DNAH3: variants seen among roughly 807,000 people sequenced by gnomAD.
DNAH3 encodes dynein axonemal heavy chain 3, also known as axonemal beta dynein heavy chain 3.
Under a neutral mutation model 432.5 loss-of-function variants are expected in DNAH3, and 332 were observed. That is an observed-to-expected ratio of 0.77 (90% CI 0.70 to 0.84). The LOEUF (loss-of-function observed/expected upper bound fraction) is 0.84, where lower values mean the gene tolerates loss of function less well. Ranked by LOEUF, DNAH3 falls within the 40% of genes least tolerant of loss-of-function variation. DNAH3 has a pLI of 0.00. For missense variants in DNAH3, 4,861 were observed against 5,114.0 expected, an observed-to-expected ratio of 0.95 and a Z score of 1.51; for synonymous variants, 1,956 against 1,900.2, an observed-to-expected ratio of 1.03 and a Z score of -0.76.
chr16:20,979,714 G>A (rs1375328950), intron 49 of DNAH3, among the ~76,000 whole-genome samples, 168 bp from the exon 50 acceptor site: 2 of 152,048 alleles, frequency 1.3e-5, no homozygotes, highest in Admixed American at 1.3e-4. Context: ...AGAGAAGGAT[G>A]GGGCAGGTAC....
chr16:21,076,653 T>C (rs2090986129), intron 20 of DNAH3, among the ~76,000 whole-genome samples: 1 of 152,132 alleles, frequency 6.6e-6, no homozygotes, highest in Non-Finnish European at 1.5e-5. Context: ...ACTCAGAGAA[T>C]AAGGAAGTTC....
At chr16:21,059,992 A>G (rs1346895784) in intron 26 of DNAH3, among the ~76,000 whole-genome samples, 21 of 152,174 alleles carry the variant, frequency 1.4e-4, no homozygotes. Flanking sequence ...ACTTCGTGCC[A>G]TTAATCCCAT....
chr16:21,152,560 C>A (rs548404462), intron 1 of DNAH3, among the ~76,000 whole-genome samples: 4 of 152,256 alleles, frequency 2.6e-5, no homozygotes, highest in Non-Finnish European at 4.4e-5. Context: ...TGGGCAAGGC[C>A]GAAGCCGGCT....
rs2084150467 is a variant in DNAH3, at chr16:20,948,407, A to G, written c.11343+76T>C. ...GGTCACCCCTGGGATCCCTGGCTAC[A>G]CTGCAGCCCTGTAGCCATATAGAGA... On this transcript the variant is annotated intron_variant, in intron 57 of 61. Coordinates refer to ENST00000261383, the Ensembl canonical transcript of DNAH3. 3 of 1,477,334 alleles carry G rather than the reference A, an allele frequency of 2.0e-6. No homozygotes were observed. The African/African-American group carries it at 4.2e-5, about 21-fold the overall frequency. The allele number at this position is 1,477,334 out of a possible 1,614,324, so 91.5% of individuals were successfully genotyped here.
intron 23 of DNAH3, among the ~76,000 whole-genome samples, chr16:21,068,799 C>T (rs1459653200): frequency 6.6e-6 from 1 of 152,128 alleles, no homozygotes; most frequent in Non-Finnish European, 1.5e-5. Context: ...ATTGCATTAT[C>T]CTGTAACAAA....
intron 31 of DNAH3, among the ~76,000 whole-genome samples, chr16:21,049,161 A>G (rs967653119): frequency 4.6e-5 from 7 of 152,016 alleles, no homozygotes; most frequent in African/African-American, 1.2e-4. Context: ...CAGGGTCTCA[A>G]CTGTGTTGCC....
chr16:21,033,451 C>T (rs2088997921), intron 36 of DNAH3, among the ~76,000 whole-genome samples: 1 of 152,136 alleles, frequency 6.6e-6, no homozygotes, highest in Non-Finnish European at 1.5e-5. Flanking sequence ...TCATAACAAT[C>T]CCATTTTACA....
At chr16:21,065,925 C>T (rs1239904075) in intron 24 of DNAH3, among the ~76,000 whole-genome samples, 1 of 152,094 alleles carries the variant, frequency 6.6e-6, no homozygotes, top group Admixed American at 6.5e-5. Flanking sequence ...CTCCCAGGTT[C>T]AAGCAATTCT....
chr16:21,116,497 C>T (rs368852618), intron 12 of DNAH3, among the ~76,000 whole-genome samples: 2 of 152,054 alleles, frequency 1.3e-5, no homozygotes, highest in East Asian at 1.9e-4. Flanking sequence ...CACGACCGAC[C>T]GACCATAAGT....
intron 20 of DNAH3, 85 bp from the exon 21 acceptor site, chr16:21,075,646 C>T (rs1239444452): frequency 9.7e-7 from 1 of 1,035,520 alleles, no homozygotes; most frequent in Non-Finnish European, 1.5e-6. Context: ...GGCATGGTGG[C>T]TCATGCCTGT....
intron 37 of DNAH3, among the ~76,000 whole-genome samples, chr16:21,029,461 A>ATCT (rs1429243884): frequency 6.6e-6 from 1 of 152,222 alleles, no homozygotes; most frequent in Admixed American, 6.5e-5. Flanking sequence ...AGAGGTGTAT[A>ATCT]AATAGTAACT....
At chr16:21,035,547 C>T (rs889852363) in intron 35 of DNAH3, among the ~76,000 whole-genome samples, 7 of 148,452 alleles carry the variant, frequency 4.7e-5, no homozygotes, top group African/African-American at 1.5e-4. Context: ...GATGGATGGA[C>T]GGATGGATAA....
intron 52 of DNAH3, among the ~76,000 whole-genome samples, chr16:20,968,694 C>T (rs781159963): frequency 1.3e-4 from 20 of 151,746 alleles, no homozygotes; most frequent in Non-Finnish European, 2.6e-4. Context: ...CTCTTTCTTC[C>T]TCTCCATTGC....
intron 24 of DNAH3, 83 bp downstream of exon 24, chr16:21,067,200 G>GT (rs2090583611): frequency 5.9e-6 from 9 of 1,520,236 alleles, no homozygotes; most frequent in Non-Finnish European, 8.2e-6. Context: ...ATTGGTTGAA[G>GT]CCAACTCTTG....
intron 12 of DNAH3, among the ~76,000 whole-genome samples, chr16:21,116,602 G>A (rs140374981): frequency 4.6e-5 from 7 of 152,228 alleles, no homozygotes; most frequent in East Asian, 1.9e-4. Flanking sequence ...CATTAGCAGC[G>A]TGAGAACGGA....
chr16:21,117,352 C>T lies in DNAH3; in HGVS notation c.1700-35G>A, dbSNP rs765428594. On this transcript the variant is annotated intron_variant, in intron 11 of 61. Transcript: ENST00000261383. ...GGACAGATTCCACCTGAAGAGTAAA[C>T]ACCACTTTTGCATGTTGCAAGACTT... 2 of 1,439,324 alleles carry T rather than the reference C, an allele frequency of 1.4e-6. No individual in the cohort carries two copies. Among genetic ancestry groups the T allele is most frequent in the Admixed American group, 1.7e-5 (1 of 57,510 alleles). 89.2% of individuals were successfully genotyped at this position (1,439,324 alleles called of 1,614,324 possible). A position where few individuals can be genotyped will look rare whatever the true frequency, so the allele number is the denominator to read the frequency against.
rs768078082 is a variant in DNAH3 at position 21,042,064 on chromosome 16, C to T, written c.4601G>A (p.Gly1534Glu). ...GGGCAGTTCAGCCCTGCCAGCATAC[C>T]CGGGGTTCATGGTGATGAACACAGC... Residue 1534 changes from glycine to glutamate, a missense_variant, in exon 32 of 62, where the codon GGG becomes GAG. Transcript: ENST00000261383. The T allele has an allele frequency of 6.2e-7, 1 of 1,613,906 alleles. No individual in the cohort carries two copies. The highest frequency in any genetic ancestry group is 1.3e-5 in the African/African-American group (1 of 75,008).
At chr16:20,995,103 T>C (rs2086708056) in intron 44 of DNAH3, among the ~76,000 whole-genome samples, 1 of 152,018 alleles carries the variant, frequency 6.6e-6, no homozygotes, top group African/African-American at 2.4e-5. Flanking sequence ...ACCCAGATAA[T>C]TTTTTGTTGT....
chr16:21,009,841 C>T (rs569212311), intron 41 of DNAH3, among the ~76,000 whole-genome samples: 17 of 148,308 alleles, frequency 1.1e-4, no homozygotes, highest in African/African-American at 3.2e-4. Context: ...GCCGTGACTA[C>T]GCCACTGCAC....
Sources: gnomAD v4.1 joint callset for allele counts (sites outside exome capture counted in the v4.1 genomes callset) on GRCh38, gnomAD v4.1.1 for gene constraint, MANE v1.5 for transcripts, NCBI Gene and HGNC (gene_info 2026-07-23, HGNC 2026-07-21) for gene names.